The following SNX29 variants were observed in gnomAD, a reference collection of about 807,000 sequenced individuals.
SNX29 encodes sorting nexin-29.
Under a neutral mutation model 102.1 loss-of-function variants are expected in SNX29, and 78 were observed. The ratio of observed to expected loss-of-function variants is 0.76; its 90% confidence interval spans 0.64 to 0.92. The LOEUF is 0.92. Among genes scored for constraint, SNX29 ranks in the 40% least tolerant of loss-of-function variants. SNX29 has a pLI of 0.00. For synonymous variants in SNX29, 580 were observed against 414.5 expected, an observed-to-expected ratio of 1.40 and a Z score of -4.85; for missense variants, 1,280 against 1,061.7, an observed-to-expected ratio of 1.21 and a Z score of -2.86.
intron 18 of SNX29, among the ~76,000 whole-genome samples, chr16:12,459,998 C>G (rs540535719): frequency 6.6e-6 from 1 of 152,174 alleles, no homozygotes; most frequent in African/African-American, 2.4e-5. Flanking sequence ...GGAAATATAC[C>G]GAACAGAAGC....
chr16:12,537,752 C>A (rs112837426), intron 20 of SNX29, among the ~76,000 whole-genome samples: 3 of 152,006 alleles, frequency 2.0e-5, no homozygotes, highest in Non-Finnish European at 4.4e-5. Context: ...GACCTCTATC[C>A]TATGTGGGGT....
At chr16:12,156,213 G>T (rs924330349) in intron 13 of SNX29, among the ~76,000 whole-genome samples, 1 of 151,974 alleles carries the variant, frequency 6.6e-6, no homozygotes, top group Non-Finnish European at 1.5e-5. Flanking sequence ...TTGCTCTGTC[G>T]CCCAGGCTGG....
intron 19 of SNX29, among the ~76,000 whole-genome samples, chr16:12,481,008 T>A (rs1185742219): frequency 6.6e-6 from 1 of 152,102 alleles, no homozygotes; most frequent in South Asian, 2.1e-4. Context: ...TCCACCCTCA[T>A]CCCCAGGCTA....
At chr16:12,264,160 C>T (rs2078858029) in intron 14 of SNX29, among the ~76,000 whole-genome samples, 1 of 152,214 alleles carries the variant, frequency 6.6e-6, no homozygotes, top group African/African-American at 2.4e-5. Flanking sequence ...GATTTGAGCC[C>T]AGGTCTGTCT....
In SNX29 at chr16:12,204,304, A is replaced by ATAGC. The variant is rs2076991668; in HGVS notation, c.1678+4623_1678+4626dup. On this transcript the variant is annotated intron_variant, in intron 14 of 20. Coordinates refer to ENST00000566228, the MANE Select transcript of SNX29 (RefSeq NM_032167.5). ...TGTTATCAAGCTTGATTAGTTTTCT[A>ATAGC]TAGCTCATGTGTTCTATGGCAAATT... Among the ~76,000 whole-genome samples, 5 of 152,292 alleles carry ATAGC rather than the reference A, an allele frequency of 3.3e-5. No individual in the cohort carries two copies. In the South Asian group the frequency reaches 1.0e-3, roughly 32 times the overall value.
chr16:12,186,318 C>T (rs557908245), intron 13 of SNX29, among the ~76,000 whole-genome samples: 37 of 152,216 alleles, frequency 2.4e-4, no homozygotes, highest in African/African-American at 7.2e-4. Flanking sequence ...TCCTGCAGAG[C>T]GACTAGTTAA....
In SNX29 at chr16:12,015,365, G is replaced by A. The variant is rs868221624; in HGVS notation, c.123-11955G>A. Among the ~76,000 whole-genome samples, 5 of 151,706 alleles carry A rather than the reference G, an allele frequency of 3.3e-5. No individual in the cohort carries two copies. The East Asian group carries it at 7.7e-4, about 23-fold the overall frequency. Reference sequence around the variant, plus strand: ...AAGTGATTCTCCTGCCTCAGCGTCCGGAGTAGCTGGGATTACAGGCACGCA... The same window carrying A: ...AAGTGATTCTCCTGCCTCAGCGTCCAGAGTAGCTGGGATTACAGGCACGCA... On this transcript the variant is annotated intron_variant, in intron 3 of 20. Coordinates refer to ENST00000566228, the MANE Select transcript of SNX29 (RefSeq NM_032167.5).
chr16:12,365,415 C>T (rs142202846), intron 16 of SNX29, among the ~76,000 whole-genome samples: 1,964 of 151,456 alleles, frequency 0.013, 24 homozygotes, highest in Middle Eastern at 0.02. Context: ...GGAGGCCGGG[C>T]GTGGTGGCTC....
chr16:12,010,973 C>G (rs1441615358), intron 3 of SNX29, among the ~76,000 whole-genome samples: 6 of 151,562 alleles, frequency 4.0e-5, no homozygotes, highest in Admixed American at 4.0e-4. Flanking sequence ...TTTTTATGTT[C>G]CCTGCATCAC....
intron 20 of SNX29, among the ~76,000 whole-genome samples, chr16:12,565,505 C>T (rs865962843): frequency 3.3e-5 from 5 of 152,228 alleles, no homozygotes; most frequent in South Asian, 2.1e-4. Context: ...GCCTGTGTCC[C>T]GAGACATGGC....
intron 19 of SNX29, among the ~76,000 whole-genome samples, chr16:12,515,178 C>T (rs2089810213): frequency 6.6e-6 from 1 of 152,122 alleles, no homozygotes; most frequent in African/African-American, 2.4e-5. Flanking sequence ...CTCATTCTCC[C>T]CTATGGAAGA....
chr16:12,087,681 C>A, intron 11 of SNX29: 1 of 364,246 alleles, frequency 2.7e-6, no homozygotes, highest in East Asian at 7.3e-5. Flanking sequence ...TTATCCTGGG[C>A]TTTACAGCAA....
chr16:12,019,977 ATACAGT>A (rs1168358225), intron 3 of SNX29, among the ~76,000 whole-genome samples: 1 of 152,102 alleles, frequency 6.6e-6, no homozygotes, highest in Non-Finnish European at 1.5e-5. Flanking sequence ...CATACTTAAC[ATACAGT>A]TACCTATCCT....
chr16:12,130,578 A>T (rs982705394), intron 13 of SNX29, among the ~76,000 whole-genome samples: 2 of 152,048 alleles, frequency 1.3e-5, no homozygotes, highest in Non-Finnish European at 2.9e-5. Context: ...CACGTGGTTC[A>T]AAATACAAAA....
intron 14 of SNX29, among the ~76,000 whole-genome samples, chr16:12,211,562 G>A (rs963534714): frequency 3.9e-5 from 6 of 152,118 alleles, no homozygotes; most frequent in African/African-American, 9.7e-5. Flanking sequence ...ATAGGGGTGT[G>A]TGTGTGTGTG....
chr16:12,269,800 C>A (rs1384370626), intron 14 of SNX29, among the ~76,000 whole-genome samples: 1 of 151,800 alleles, frequency 6.6e-6, no homozygotes, highest in Non-Finnish European at 1.5e-5. Context: ...AATTGTCATT[C>A]TTTCCATTTT....
intron 1 of SNX29, among the ~76,000 whole-genome samples, chr16:11,985,358 G>A (rs771617436): frequency 6.6e-6 from 1 of 152,150 alleles, no homozygotes; most frequent in Non-Finnish European, 1.5e-5. Context: ...GTTAGCCAGG[G>A]CTCTTTTCAG....
At chr16:12,461,970 AAAAAAAAAATATATAT>A (rs1461570491) in intron 18 of SNX29, among the ~76,000 whole-genome samples, 8 of 68,446 alleles carry the variant, frequency 1.2e-4, no homozygotes, top group African/African-American at 5.9e-4. Context: ...AAAAAAAAAA[AAAAAAAAAATATATAT>A]ATATATATAT....
chr16:12,437,939 C>T (rs1428553877), intron 18 of SNX29, among the ~76,000 whole-genome samples: 1 of 152,156 alleles, frequency 6.6e-6, no homozygotes, highest in Non-Finnish European at 1.5e-5. Flanking sequence ...AGCGGTCCAT[C>T]TGCACTGCCA....
Sources: gnomAD v4.1 joint callset for allele counts (sites outside exome capture counted in the v4.1 genomes callset) on GRCh38, gnomAD v4.1.1 for gene constraint, MANE v1.5 for transcripts, NCBI Gene and HGNC (gene_info 2026-07-23, HGNC 2026-07-21) for gene names.